SIRT2: variants seen among roughly 807,000 people sequenced by gnomAD.
SIRT2 encodes NAD-dependent protein deacetylase sirtuin-2.
A neutral mutation model predicts 57.4 loss-of-function variants in SIRT2; 40 were observed. The observed-to-expected ratio is 0.70, with a 90% confidence interval of 0.54 to 0.91. The LOEUF (loss-of-function observed/expected upper bound fraction) is 0.91, where lower values mean the gene tolerates loss of function less well. Ranked by LOEUF, SIRT2 falls within the 40% of genes least tolerant of loss-of-function variation. The pLI is 0.00. For synonymous variants in SIRT2, 161 were observed against 195.7 expected (o/e 0.82, Z 1.48); for missense variants, 439 against 510.4 (o/e 0.86, Z 1.35).
Position 38,890,198 on chromosome 19 carries a change from T to C in SIRT2, c.227-54A>G, listed in dbSNP as rs1035745595. 3 of 1,579,578 alleles carry C rather than the reference T, an allele frequency of 1.9e-6. No homozygotes were observed. The South Asian group carries it at 3.3e-5, about 18-fold the overall frequency. ...GACACCGTTTGCTCAGTCCCTACGA[T>C]AGCACCACCCATCACAGCCCCTGAC... On this transcript the variant is annotated intron_variant, in intron 4 of 15. Transcript: ENST00000249396.
In SIRT2 at chr19:38,880,921, G is replaced by C. The variant is rs763067102; in HGVS notation, c.748-24C>G. On this transcript the variant is annotated intron_variant, in intron 11 of 15. Transcript: ENST00000249396. This position sits in a 1 kb window ranked among gnomAD's most constrained non-coding sequence, Gnocchi z 4.1. Reference sequence around the variant, plus strand: ...TCCTGCGGGGAGGGGCGTGAGCTTGGGAGCCTCCGCCCAGGCTGCGCCACC... The same window carrying C: ...TCCTGCGGGGAGGGGCGTGAGCTTGCGAGCCTCCGCCCAGGCTGCGCCACC... 2 of 1,608,792 alleles carry C rather than the reference G, an allele frequency of 1.2e-6. No individual in the cohort carries two copies. The highest frequency in any genetic ancestry group is 1.7e-5 in the Admixed American group (1 of 59,988).
In SIRT2 at chr19:38,880,861, T is replaced by C; in HGVS notation, c.784A>G (p.Thr262Ala). ...GCAAAGGGCTGCACCTGCAAGGAGG[T>C]ACCCATGACCAGGAGGAGGTCCACC... Reference protein sequence around the residue: ...LKVDLLLVMGTSLQVQPFASL... With the variant: ...LKVDLLLVMGASLQVQPFASL... The change falls in exon 12 of 16, where the codon ACC becomes GCC. Residue 262 changes from threonine to alanine, a missense_variant. Transcript: ENST00000249396. This position sits in a 1 kb window ranked among gnomAD's most constrained non-coding sequence, Gnocchi z 4.1. 6.2e-7 allele frequency: 1 copy of C among 1,613,660 alleles called. No individual in the cohort carries two copies. The highest frequency in any genetic ancestry group is 8.5e-7 in the Non-Finnish European group (1 of 1,179,854).
rs781345176 is a variant in SIRT2, at chr19:38,893,648, C to T, written c.113-121G>A. On this transcript the variant is annotated intron_variant, in intron 3 of 15. Transcript: ENST00000249396. ...TCCCCACATCTAAAGGCACAAGGCCCGGCCCAGCCAGCGGCCTCCAGGAGC... is the reference window on the plus strand; with the variant it reads ...TCCCCACATCTAAAGGCACAAGGCCTGGCCCAGCCAGCGGCCTCCAGGAGC... 48 of 1,173,514 alleles carry T rather than the reference C, an allele frequency of 4.1e-5. No individual in the cohort carries two copies. The Middle Eastern group carries it at 6.8e-4, about 17-fold the overall frequency. The allele number at this position is 1,173,514 out of a possible 1,614,324, so 72.7% of individuals were successfully genotyped here.
chr19:38,899,562 CTGTCCCGTCACCAACCACTG>C lies in SIRT2; in HGVS notation c.-61_-42del, dbSNP rs768780356. The C allele has an allele frequency of 5.6e-6, 9 of 1,613,576 alleles. No homozygotes were observed. Among genetic ancestry groups the C allele is most frequent in the African/African-American group, 1.3e-5 (1 of 74,940 alleles). On this transcript the variant is annotated 5_prime_UTR_variant, in exon 1 of 16. Transcript: ENST00000249396. ...GCCCTTGAGGCTGTCACCGACCGCT[CTGTCCCGTCACCAACCACTG>C]TGTCCCGTCACCGACTGCTCTGTCC...
intron 4 of SIRT2, among the ~76,000 whole-genome samples, chr19:38,892,222 C>T (rs1333603025): frequency 6.6e-6 from 1 of 151,826 alleles, no homozygotes; most frequent in African/African-American, 2.4e-5. Flanking sequence ...ATGGTGAAAC[C>T]CTGTCTCTAC....
chr19:38,883,760 G>C lies in SIRT2; in HGVS notation c.502-4C>G. 6.2e-7 allele frequency: 1 copy of C among 1,613,934 alleles called. No individual in the cohort carries two copies. Among genetic ancestry groups the C allele is most frequent in the African/African-American group, 1.3e-5 (1 of 75,042 alleles). ...TTCGCTCCAGGGTATCTATGTTCTA[G>C]AGGGAGAGATGGAGGGAAGAGGGGT... On this transcript the variant is annotated splice_polypyrimidine_tract_variant and splice_region_variant and intron_variant, in intron 8 of 15. Coordinates refer to ENST00000249396, the MANE Select transcript of SIRT2 (RefSeq NM_012237.4).
intron 4 of SIRT2, chr19:38,891,891 A>G (rs2144693904): frequency 2.1e-6 from 1 of 469,414 alleles, no homozygotes. Context: ...ATGGCTGCAG[A>G]CAGCTGCTCG....
Position 38,887,508 on chromosome 19 carries a change from C to G in SIRT2, c.501+1579G>C, listed in dbSNP as rs1300070852. On this transcript the variant is annotated intron_variant, in intron 8 of 15. Transcript: ENST00000249396. ...TCTTGAACTCATGGGCTCAAGCGAT[C>G]TCCCACTTTGGCCTCCCAAAGTGTG... Among the ~76,000 whole-genome samples the G allele has an allele frequency of 2.6e-5, 4 of 152,088 alleles. No individual in the cohort carries two copies. In the East Asian group the frequency reaches 7.7e-4, roughly 29 times the overall value.
chr19:38,883,886 GAAGC>G (rs1349191681), intron 8 of SIRT2, 130 bp from the exon 9 acceptor site: 9 of 907,070 alleles, frequency 9.9e-6, no homozygotes, highest in African/African-American at 1.7e-5. Flanking sequence ...GGAGGGAGGA[GAAGC>G]AAGTGGCAGG....
In SIRT2 at chr19:38,898,071, C is replaced by T. The variant is rs974110191; in HGVS notation, c.63+308G>A. On this transcript the variant is annotated intron_variant, in intron 2 of 15. Transcript: ENST00000249396. ...CCATCACTTGTCCACGAGATCTGTGCGTTCCAAGACCAAATGGGATACCTG... is the reference window on the plus strand; with the variant it reads ...CCATCACTTGTCCACGAGATCTGTGTGTTCCAAGACCAAATGGGATACCTG... Among the ~76,000 whole-genome samples the T allele has an allele frequency of 4.6e-5, 7 of 152,322 alleles. No individual in the cohort carries two copies. The South Asian group carries it at 6.2e-4, about 14-fold the overall frequency.
At chr19:38,891,658 T>C in intron 4 of SIRT2, 1 of 322,106 alleles carries the variant, frequency 3.1e-6, no homozygotes, top group Non-Finnish European at 6.2e-6. Context: ...AGTCTTGACC[T>C]ACTGGCCTCA....
At chr19:38,890,190 C>G in intron 4 of SIRT2, 46 bp from the exon 5 acceptor site, 2 of 1,601,764 alleles carry the variant, frequency 1.2e-6, no homozygotes, top group Non-Finnish European at 1.7e-6. Context: ...TTTGCTCAGT[C>G]CCTACGATAG....
intron 13 of SIRT2, 80 bp from the exon 14 acceptor site, chr19:38,879,782 G>T: frequency 1.9e-6 from 2 of 1,045,186 alleles, no homozygotes; most frequent in Non-Finnish European, 2.8e-6. Flanking sequence ...AGGTGGCCTG[G>T]GTTTGTATCC....
Position 38,890,142 on chromosome 19 carries a change from G to C in SIRT2, c.229C>G (p.Arg77Gly), listed in dbSNP as rs146760070. Residue 77 changes from arginine to glycine, a missense_variant and splice_region_variant, in exon 5 of 16, where the codon CGC (arginine) becomes GGC (glycine). Transcript: ENST00000249396. The part of the protein sequence containing the change: ...VARYMQSERC[R>G]RVICLVGAGI... ...GCTCCCACCAAACAGATGACTCTGC[G>C]ACCTGGAGGAGAGGAACTTATGCAC... is the stretch of plus-strand genomic sequence containing the variant. 1.3e-5 allele frequency: 21 copies of C among 1,614,150 alleles called. No homozygotes were observed. Among genetic ancestry groups the C allele is most frequent in the Admixed American group, 1.7e-5 (1 of 60,018 alleles).
chr19:38,885,335 G>C (rs376560857), intron 8 of SIRT2, among the ~76,000 whole-genome samples: 2 of 151,932 alleles, frequency 1.3e-5, no homozygotes, highest in Non-Finnish European at 2.9e-5. Flanking sequence ...GAACTCCTGG[G>C]CTCAAGTGAT....
chr19:38,881,265 G>A lies in SIRT2; in HGVS notation c.692-110C>T, dbSNP rs970826933. 4.9e-6 allele frequency: 6 copies of A among 1,222,120 alleles called. No individual in the cohort carries two copies. In the African/African-American group the frequency reaches 7.5e-5, roughly 15 times the overall value. The allele number at this position is 1,222,120 out of a possible 1,614,324, so 75.7% of individuals were successfully genotyped here. On this transcript the variant is annotated intron_variant, in intron 10 of 15. Coordinates refer to ENST00000249396, the MANE Select transcript of SIRT2 (RefSeq NM_012237.4). ...CACAGTGGGAGTTGGGAGCAGTGGG[G>A]ACCGGCCAGGGGCACAGACCCCATT...
In SIRT2 at chr19:38,880,269, C is replaced by T. The variant is rs557653572; in HGVS notation, c.876+416G>A. 6.0e-4 allele frequency: 122 copies of T among 203,320 alleles called. 1 individual carries two copies. The South Asian group carries it at 0.014, about 24-fold the overall frequency. 12.6% of individuals were successfully genotyped at this position (203,320 alleles called of 1,614,324 possible). Reference sequence around the variant, plus strand: ...TGGGACAGTGTCTGCCCACAGCGTGCGCTGCTTGCCCGGTGACCCTGCCTA... The same window carrying T: ...TGGGACAGTGTCTGCCCACAGCGTGTGCTGCTTGCCCGGTGACCCTGCCTA... On this transcript the variant is annotated intron_variant, in intron 13 of 15. Coordinates refer to ENST00000249396, the MANE Select transcript of SIRT2 (RefSeq NM_012237.4). The surrounding 1 kb of genome is among the most constrained non-coding windows in gnomAD (Gnocchi z 4.1).
chr19:38,894,295 A>AGACG (rs1490927504), intron 2 of SIRT2: 2 of 207,998 alleles, frequency 9.6e-6, no homozygotes, highest in East Asian at 2.9e-4. Context: ...TGCTTTGTAG[A>AGACG]GACGAGGTCT....
chr19:38,879,816 T>TTG, intron 13 of SIRT2, 114 bp from the exon 14 acceptor site: 1 of 745,562 alleles, frequency 1.3e-6, no homozygotes, highest in Non-Finnish European at 2.2e-6. Context: ...TTGTTTTTTT[T>TTG]TTGTTGTTGT....
Sources: allele counts gnomAD v4.1 joint callset (sites outside exome capture counted in the v4.1 genomes callset), GRCh38; gene constraint gnomAD v4.1.1; non-coding constraint Gnocchi (gnomAD v3.1); transcripts MANE v1.5; gene names NCBI Gene and HGNC (gene_info 2026-07-23, HGNC 2026-07-21).